Variants in KIF13A observed in about 807,000 individuals in gnomAD.
KIF13A encodes the protein kinesin family member 13A, also known as kinesin-like protein KIF13A.
KIF13A carries 79 observed loss-of-function variants against 212.2 expected under a neutral mutation model. The ratio of observed to expected loss-of-function variants is 0.37; its 90% CI spans 0.31 to 0.45. KIF13A has a LOEUF of 0.45. Ranked by LOEUF, KIF13A falls within the 20% of genes least tolerant of loss-of-function variation. KIF13A has a pLI of 1.00. For synonymous variants in KIF13A, 789 were observed against 808.6 expected, an observed-to-expected ratio of 0.98 and a Z score of 0.41; for missense variants, 1,901 against 2,209.0, an observed-to-expected ratio of 0.86 and a Z score of 2.79.
At chr6:17,937,739 C>CTTTTTTTTTTTTTTTTT (rs1487188222) in intron 2 of KIF13A, among the ~76,000 whole-genome samples, 1 of 128,428 alleles carries the variant, frequency 7.8e-6, no homozygotes, top group African/African-American at 2.8e-5. Context: ...AATTTCTTTC[C>CTTTTTTTTTTTTTTTTT]TTTTTTGTTT....
intron 2 of KIF13A, among the ~76,000 whole-genome samples, chr6:17,927,026 G>A (rs1178483531): frequency 5.9e-5 from 9 of 151,928 alleles, no homozygotes; most frequent in Admixed American, 2.6e-4. Context: ...TGCAGTCCCC[G>A]CTACTCAGGG....
intron 3 of KIF13A, among the ~76,000 whole-genome samples, chr6:17,876,933 C>A (rs1386025593): frequency 6.6e-6 from 1 of 152,128 alleles, no homozygotes; most frequent in Non-Finnish European, 1.5e-5. Flanking sequence ...CTGTGCCCGG[C>A]CTGTATATAT....
At chr6:17,983,036 G>C (rs1259208651) in intron 2 of KIF13A, among the ~76,000 whole-genome samples, 1 of 151,936 alleles carries the variant, frequency 6.6e-6, no homozygotes, top group Non-Finnish European at 1.5e-5. Flanking sequence ...AGCTGGGCGT[G>C]GTGGTGGCCG....
chr6:17,840,538 T>C (rs1307274875), intron 9 of KIF13A, among the ~76,000 whole-genome samples: 1 of 152,168 alleles, frequency 6.6e-6, no homozygotes, highest in African/African-American at 2.4e-5. Context: ...TATTAGTAAC[T>C]TTATGGTTGA....
In KIF13A at chr6:17,771,246, T is replaced by A; in HGVS notation, c.4477-28A>T. The A allele has an allele frequency of 6.7e-7, 1 of 1,499,144 alleles. No individual in the cohort carries two copies. The highest frequency in any genetic ancestry group is 1.2e-5 in the South Asian group (1 of 86,748). The allele number at this position is 1,499,144 out of a possible 1,614,324, so 92.9% of individuals were successfully genotyped here. The stretch of plus-strand genomic sequence containing the variant: ...GCAAAGGTTAAGACACACAGATGCA[T>A]CACACACAAAGACGACAACGGCCAA... On this transcript the variant is annotated intron_variant, in intron 37 of 38. Coordinates refer to ENST00000259711, the MANE Select transcript of KIF13A (RefSeq NM_022113.6). The surrounding 1 kb of genome is among the most constrained non-coding windows in gnomAD (Gnocchi z 5.4).
chr6:17,977,111 C>CAA (rs1780613562), intron 2 of KIF13A, among the ~76,000 whole-genome samples: 3 of 40,042 alleles, frequency 7.5e-5, no homozygotes, highest in African/African-American at 2.5e-4. Flanking sequence ...CAAAAAACAA[C>CAA]AACAAAAAAA....
rs543172972 is a variant in KIF13A at position 17,810,479 on chromosome 6, C to T, written c.2001-1549G>A. On this transcript the variant is annotated intron_variant, in intron 17 of 38. Coordinates refer to ENST00000259711, the MANE Select transcript of KIF13A (RefSeq NM_022113.6). Reference sequence around the variant, plus strand: ...CACCTTCTACACCAGTGGTCCCCAACCTTTTTGGCACCAGGGACTAGTTAC... The same window carrying T: ...CACCTTCTACACCAGTGGTCCCCAATCTTTTTGGCACCAGGGACTAGTTAC... Among the ~76,000 whole-genome samples, 4 of 152,332 alleles carry T rather than the reference C, an allele frequency of 2.6e-5. No individual in the cohort carries two copies. In the South Asian group the frequency reaches 8.3e-4, roughly 32 times the overall value.
At chr6:17,950,901 G>A (rs556357312) in intron 2 of KIF13A, 25 of 982,454 alleles carry the variant, frequency 2.5e-5, no homozygotes, top group African/African-American at 1.9e-4. Context: ...AGAAACAACC[G>A]TATCCACCCA....
intron 25 of KIF13A, among the ~76,000 whole-genome samples, chr6:17,791,496 T>G (rs766477930): frequency 6.6e-6 from 1 of 152,108 alleles, no homozygotes; most frequent in Non-Finnish European, 1.5e-5. Context: ...AGTCCAAATT[T>G]TAAGCACTAT....
chr6:17,844,716 G>A (rs1766850339), intron 9 of KIF13A, among the ~76,000 whole-genome samples: 1 of 152,164 alleles, frequency 6.6e-6, no homozygotes, highest in East Asian at 1.9e-4. Context: ...TGTCCTTGAT[G>A]GGTCTCTCAC....
chr6:17,794,832 ACTTC>A lies in KIF13A; in HGVS notation c.2943-132_2943-129del. ...CTGTGCCATTTATCTTGTATAAGTT[ACTTC>A]CTTATTTAACTCTCAAAACCAACCT... On this transcript the variant is annotated intron_variant, in intron 23 of 38. Transcript: ENST00000259711. This position sits in a 1 kb window ranked among gnomAD's most constrained non-coding sequence, Gnocchi z 4.1. 1.0e-6 allele frequency: 1 copy of A among 978,410 alleles called. No individual in the cohort carries two copies. The highest frequency in any genetic ancestry group is 1.5e-6 in the Non-Finnish European group (1 of 681,984). 60.6% of individuals were successfully genotyped at this position (978,410 alleles called of 1,614,324 possible).
In KIF13A at chr6:17,777,587, T is replaced by C. The variant is rs1760114525; in HGVS notation, c.4093-233A>G. On this transcript the variant is annotated intron_variant, in intron 33 of 38. Transcript: ENST00000259711. This position sits in a 1 kb window ranked among gnomAD's most constrained non-coding sequence, Gnocchi z 4.4. ...TTAGTAGAGACGGGGTTTCACCATG[T>C]TGCCCAGGTTGGTCTTGAACTCCTG... Among the ~76,000 whole-genome samples, 1 of 152,092 alleles carries C rather than the reference T, an allele frequency of 6.6e-6. No homozygotes were observed. The highest frequency in any genetic ancestry group is 1.5e-5 in the Non-Finnish European group (1 of 68,004).
At chr6:17,966,916 T>A (rs1779378799) in intron 2 of KIF13A, among the ~76,000 whole-genome samples, 1 of 152,162 alleles carries the variant, frequency 6.6e-6, no homozygotes, top group African/African-American at 2.4e-5. Flanking sequence ...GTGCCCAAAA[T>A]CACCCAGCTG....
At position 17,767,507 on chromosome 6, in the gene KIF13A, G is replaced by A. The variant is rs184782210; in HGVS notation, c.4582-2561C>T. Among the ~76,000 whole-genome samples the A allele has an allele frequency of 4.1e-3, 624 of 151,628 alleles. 15 individuals are homozygous for A. The highest frequency in any genetic ancestry group is 0.034 in the Admixed American group (515 of 15,218). Reference sequence around the variant, plus strand: ...TGACCTCAGGCGATCTGCCCGTCTCGGGCTTCTAAAGTGCTGGGATTACAG... The same window carrying A: ...TGACCTCAGGCGATCTGCCCGTCTCAGGCTTCTAAAGTGCTGGGATTACAG... On this transcript the variant is annotated intron_variant, in intron 38 of 38. Transcript: ENST00000259711.
In KIF13A at chr6:17,843,962, T is replaced by C. The variant is rs1766768198; in HGVS notation, c.830+5415A>G. On this transcript the variant is annotated intron_variant, in intron 9 of 38. Coordinates refer to ENST00000259711, the MANE Select transcript of KIF13A (RefSeq NM_022113.6). The surrounding 1 kb of genome is among the most constrained non-coding windows in gnomAD (Gnocchi z 5.3). ...CGGGAGGCTGAGGCAGGAGAATCAC[T>C]TGAACCCAGGAGATGGAGGTCGCAG... 6.6e-6 allele frequency among the ~76,000 whole-genome samples: 1 copy of C among 151,562 alleles called. No homozygotes were observed. Among genetic ancestry groups the C allele is most frequent in the Admixed American group, 6.6e-5 (1 of 15,184 alleles).
At chr6:17,944,197 T>G (rs919111771) in intron 2 of KIF13A, among the ~76,000 whole-genome samples, 1 of 152,178 alleles carries the variant, frequency 6.6e-6, no homozygotes, top group Non-Finnish European at 1.5e-5. Context: ...ACAAAGTAAT[T>G]TGTGATTCAA....
intron 2 of KIF13A, among the ~76,000 whole-genome samples, chr6:17,908,230 A>T (rs1773703744): frequency 1.3e-5 from 2 of 152,202 alleles, no homozygotes; most frequent in African/African-American, 4.8e-5. Flanking sequence ...CAGACCTTGA[A>T]GCAGACCTGA....
intron 2 of KIF13A, among the ~76,000 whole-genome samples, chr6:17,924,792 C>T (rs1203705695): frequency 1.3e-5 from 2 of 152,164 alleles, no homozygotes; most frequent in Non-Finnish European, 2.9e-5. Context: ...TAGATGGAAA[C>T]ATACTGAGAT....
At chr6:17,782,375 C>T (rs1257565209) in intron 29 of KIF13A, among the ~76,000 whole-genome samples, 1 of 152,060 alleles carries the variant, frequency 6.6e-6, no homozygotes, top group Non-Finnish European at 1.5e-5. Flanking sequence ...CAGTGGCTCA[C>T]GCCTGTAATC....
Sources: gnomAD v4.1 joint callset for allele counts (sites outside exome capture counted in the v4.1 genomes callset) on GRCh38, gnomAD v4.1.1 for gene constraint, Gnocchi (gnomAD v3.1) non-coding constraint, MANE v1.5 for transcripts, NCBI Gene and HGNC (gene_info 2026-07-23, HGNC 2026-07-21) for gene names.